The following KCNMA1 variants were observed in gnomAD, a reference collection of about 807,000 sequenced individuals.
The protein encoded by KCNMA1 is potassium calcium-activated channel subfamily M alpha 1.
KCNMA1 carries 29 observed loss-of-function variants against 140.0 expected under a neutral mutation model. The ratio of observed to expected loss-of-function variants is 0.21; its 90% CI spans 0.15 to 0.28. The LOEUF (loss-of-function observed/expected upper bound fraction) is 0.28, where lower values mean the gene tolerates loss of function less well. Ranked by LOEUF, KCNMA1 falls within the 10% of genes least tolerant of loss-of-function variation. KCNMA1 has a pLI of 1.00. For missense variants in KCNMA1, 880 were observed against 1,602.2 expected (o/e 0.55, Z 7.70); for synonymous variants, 612 against 611.9 (o/e 1.00, Z 0.00).
intron 2 of KCNMA1, among the ~76,000 whole-genome samples, chr10:77,371,647 C>T (rs1018109989): frequency 5.9e-5 from 9 of 152,268 alleles, no homozygotes; most frequent in Admixed American, 2.6e-4. Context: ...AAGTCCCCAC[C>T]GGTCCCCTCA....
At chr10:77,130,823 A>G (rs2097844492) in intron 5 of KCNMA1, among the ~76,000 whole-genome samples, 1 of 152,126 alleles carries the variant, frequency 6.6e-6, no homozygotes, top group Admixed American at 6.6e-5. Context: ...ATTTATATAA[A>G]CATATACATA....
chr10:77,501,850 C>T (rs2044024226), intron 1 of KCNMA1, among the ~76,000 whole-genome samples: 1 of 152,180 alleles, frequency 6.6e-6, no homozygotes, highest in South Asian at 2.1e-4. Context: ...CAGGTGTGTC[C>T]TAGTTAAATC....
intron 3 of KCNMA1, among the ~76,000 whole-genome samples, chr10:77,213,853 A>G (rs1202875342): frequency 6.6e-6 from 1 of 151,914 alleles, no homozygotes; most frequent in Non-Finnish European, 1.5e-5. Context: ...GCAACCTCTC[A>G]TCCTTGTGCT....
chr10:77,595,913 G>T (rs974933296), intron 1 of KCNMA1, among the ~76,000 whole-genome samples: 1 of 152,158 alleles, frequency 6.6e-6, no homozygotes, highest in Non-Finnish European at 1.5e-5. Flanking sequence ...ACCTCCCAAA[G>T]TGCTGGGATT....
intron 1 of KCNMA1, among the ~76,000 whole-genome samples, chr10:77,499,487 T>A (rs2043112551): frequency 6.6e-6 from 1 of 151,336 alleles, no homozygotes; most frequent in Non-Finnish European, 1.5e-5. Flanking sequence ...ACATATATTT[T>A]AATTTCATGG....
intron 2 of KCNMA1, among the ~76,000 whole-genome samples, chr10:77,353,979 G>C (rs1349150111): frequency 1.5e-5 from 2 of 136,292 alleles, no homozygotes; most frequent in African/African-American, 5.9e-5. Flanking sequence ...TTGGGGGGGG[G>C]GGTGGTGGGG....
In KCNMA1 at chr10:77,637,040, G is replaced by A. The variant is rs565393485; in HGVS notation, c.378+225C>T. 5.7e-6 allele frequency: 8 copies of A among 1,400,712 alleles called. No individual in the cohort carries two copies. In the East Asian group the frequency reaches 1.1e-4, roughly 19 times the overall value. The allele number at this position is 1,400,712 out of a possible 1,614,324, so 86.8% of individuals were successfully genotyped here. On this transcript the variant is annotated intron_variant, in intron 1 of 27. Coordinates refer to ENST00000286628, the MANE Select transcript of KCNMA1 (RefSeq NM_001161352.2). ...AACAAGAGGACAGGATTGAGCGTCCGCGTCCCGGAGCGCACTGGCTGGGGG... is the reference window on the plus strand; with the variant it reads ...AACAAGAGGACAGGATTGAGCGTCCACGTCCCGGAGCGCACTGGCTGGGGG...
intron 25 of KCNMA1, among the ~76,000 whole-genome samples, chr10:76,900,777 TC>T (rs1405054233): frequency 6.6e-6 from 1 of 151,960 alleles, no homozygotes; most frequent in Non-Finnish European, 1.5e-5. Flanking sequence ...AAAATGACAA[TC>T]GGCATTTGCC....
intron 19 of KCNMA1, among the ~76,000 whole-genome samples, chr10:76,985,718 T>A (rs1592809149): frequency 1.3e-5 from 2 of 152,176 alleles, no homozygotes. Context: ...GTGACTCTGA[T>A]TGCATCTGCA....
chr10:76,948,349 T>C (rs915838408), intron 22 of KCNMA1, among the ~76,000 whole-genome samples: 1 of 152,190 alleles, frequency 6.6e-6, no homozygotes, highest in Admixed American at 6.5e-5. Flanking sequence ...AGAAAAATAT[T>C]TGGAGGATAA....
intron 2 of KCNMA1, among the ~76,000 whole-genome samples, chr10:77,351,351 C>A (rs1224815965): frequency 6.6e-6 from 1 of 152,140 alleles, no homozygotes; most frequent in Admixed American, 6.5e-5. Context: ...TTCTGGAAAC[C>A]AGAATTTCTG....
chr10:77,328,423 T>C (rs2085040973), intron 2 of KCNMA1, among the ~76,000 whole-genome samples: 1 of 152,174 alleles, frequency 6.6e-6, no homozygotes, highest in Non-Finnish European at 1.5e-5. Context: ...TTGGAAAATG[T>C]TTAAAGCATC....
chr10:77,076,721 C>T (rs1223562139), intron 13 of KCNMA1, among the ~76,000 whole-genome samples: 1 of 152,178 alleles, frequency 6.6e-6, no homozygotes, highest in Non-Finnish European at 1.5e-5. Context: ...GATGTCAAAG[C>T]TCTTTTAAAA....
intron 1 of KCNMA1, chr10:77,635,832 A>G (rs2093673924): frequency 6.5e-6 from 1 of 152,992 alleles, no homozygotes; most frequent in South Asian, 2.1e-4. Flanking sequence ...ATACACCAGT[A>G]TTTTCCAAAA....
chr10:77,579,751 G>C (rs1241305494), intron 1 of KCNMA1, among the ~76,000 whole-genome samples: 1 of 152,126 alleles, frequency 6.6e-6, no homozygotes, highest in Non-Finnish European at 1.5e-5. Context: ...CAGAGGCTGG[G>C]AGACCCTCAG....
chr10:77,143,083 TCATGA>T (rs1564794257), intron 5 of KCNMA1, among the ~76,000 whole-genome samples: 1 of 151,868 alleles, frequency 6.6e-6, no homozygotes, highest in African/African-American at 2.4e-5. Flanking sequence ...GCCAGAATAA[TCATGA>T]CATTGAAACC....
chr10:77,079,641 C>A, intron 12 of KCNMA1, 91 bp from the exon 13 acceptor site: 3 of 888,696 alleles, frequency 3.4e-6, no homozygotes, highest in East Asian at 2.5e-5. Context: ...AATGGGGTAC[C>A]CATGGGACTG....
At chr10:77,196,161 C>A (rs1477931960) in intron 3 of KCNMA1, among the ~76,000 whole-genome samples, 1 of 152,056 alleles carries the variant, frequency 6.6e-6, no homozygotes, top group African/African-American at 2.4e-5. Context: ...ATAAAAACAT[C>A]TCTGTGAGAG....
At chr10:77,421,635 T>G (rs1445417046) in intron 1 of KCNMA1, among the ~76,000 whole-genome samples, 1 of 152,260 alleles carries the variant, frequency 6.6e-6, no homozygotes, top group African/African-American at 2.4e-5. Context: ...CCATTTCATG[T>G]TTCATGAAAT....
Sources: gnomAD v4.1 joint callset for allele counts (sites outside exome capture counted in the v4.1 genomes callset) on GRCh38, gnomAD v4.1.1 for gene constraint, MANE v1.5 for transcripts, NCBI Gene and HGNC (gene_info 2026-07-23, HGNC 2026-07-21) for gene names.